The following PTPRK variants were observed in gnomAD, a reference collection of about 807,000 sequenced individuals.
The protein encoded by PTPRK is protein tyrosine phosphatase receptor type K, also known as receptor-type tyrosine-protein phosphatase kappa.
PTPRK carries 75 observed loss-of-function variants against 178.0 expected under a neutral mutation model. The observed-to-expected ratio is 0.42, with a 90% CI of 0.35 to 0.51. The LOEUF (loss-of-function observed/expected upper bound fraction) is 0.51. Among genes scored for constraint, PTPRK ranks in the 20% least tolerant of loss-of-function variants. PTPRK has a pLI of 0.02. For synonymous variants in PTPRK, 637 were observed against 620.6 expected (o/e 1.03, Z -0.39); for missense variants, 1,441 against 1,797.8 (o/e 0.80, Z 3.59).
chr6:128,381,686 A>T (rs1009159599), intron 2 of PTPRK, among the ~76,000 whole-genome samples: 1 of 152,060 alleles, frequency 6.6e-6, no homozygotes, highest in Non-Finnish European at 1.5e-5. Context: ...GAGAGAGAGA[A>T]ATGTTATTAT....
intron 3 of PTPRK, among the ~76,000 whole-genome samples, chr6:128,251,095 A>T (rs1305241220): frequency 6.6e-6 from 1 of 152,186 alleles, no homozygotes; most frequent in African/African-American, 2.4e-5. Context: ...AGACTCTGAA[A>T]CTGATGAATT....
chr6:128,491,408 G>A (rs1853748322), intron 1 of PTPRK, among the ~76,000 whole-genome samples: 1 of 152,180 alleles, frequency 6.6e-6, no homozygotes, highest in Admixed American at 6.5e-5. Flanking sequence ...AGATAGCTTT[G>A]ATTTTCTCAC....
intron 7 of PTPRK, among the ~76,000 whole-genome samples, chr6:128,133,569 C>T (rs964735616): frequency 3.3e-5 from 5 of 152,046 alleles, no homozygotes; most frequent in Admixed American, 6.5e-5. Flanking sequence ...AGATAAGAAA[C>T]ATCAGGCTTA....
At chr6:127,991,533 A>G in intron 19 of PTPRK, 142 bp from the exon 20 acceptor site, 1 of 506,816 alleles carries the variant, frequency 2.0e-6, no homozygotes, top group Non-Finnish European at 3.2e-6. Context: ...ACTTAAATTC[A>G]GTTCATATCT....
At chr6:128,271,893 G>A (rs963760462) in intron 3 of PTPRK, among the ~76,000 whole-genome samples, 6 of 151,808 alleles carry the variant, frequency 4.0e-5, no homozygotes, top group African/African-American at 1.5e-4. Context: ...ATTGTGTAGT[G>A]TATCAAGAAA....
intron 27 of PTPRK, among the ~76,000 whole-genome samples, chr6:127,975,150 A>C (rs889937718): frequency 1.3e-5 from 2 of 152,228 alleles, no homozygotes; most frequent in Non-Finnish European, 2.9e-5. Flanking sequence ...TCAATAAGTA[A>C]GCAAACAAAT....
At chr6:128,428,737 G>T (rs1479845691) in intron 1 of PTPRK, among the ~76,000 whole-genome samples, 2 of 152,160 alleles carry the variant, frequency 1.3e-5, no homozygotes, top group Non-Finnish European at 2.9e-5. Context: ...ACCTATGATG[G>T]ATTGACTTGC....
intron 7 of PTPRK, among the ~76,000 whole-genome samples, chr6:128,099,012 A>G (rs188362480): frequency 3.9e-5 from 6 of 152,116 alleles, no homozygotes; most frequent in Admixed American, 3.9e-4. Flanking sequence ...TCAATACTTT[A>G]TTACAAACTG....
At chr6:128,030,300 A>G (rs1269065520) in intron 13 of PTPRK, among the ~76,000 whole-genome samples, 2 of 152,196 alleles carry the variant, frequency 1.3e-5, no homozygotes, top group Non-Finnish European at 2.9e-5. Flanking sequence ...AAAGGTGACT[A>G]AAGTCACAGG....
At chr6:128,252,778 G>A (rs1816675577) in intron 3 of PTPRK, among the ~76,000 whole-genome samples, 1 of 152,156 alleles carries the variant, frequency 6.6e-6, no homozygotes, top group South Asian at 2.1e-4. Context: ...CCGACCTCAT[G>A]AGGCCATTGT....
At chr6:128,095,397 G>A (rs897493855) in intron 7 of PTPRK, among the ~76,000 whole-genome samples, 1 of 152,084 alleles carries the variant, frequency 6.6e-6, no homozygotes, top group African/African-American at 2.4e-5. Flanking sequence ...ACTCAAGCTT[G>A]TCCAACCTAC....
intron 6 of PTPRK, among the ~76,000 whole-genome samples, chr6:128,213,229 C>A (rs1459323910): frequency 2.0e-5 from 3 of 151,826 alleles, no homozygotes. Flanking sequence ...AAATATGTAC[C>A]AGACATCTTG....
At chr6:128,265,745 C>T (rs1818843802) in intron 3 of PTPRK, among the ~76,000 whole-genome samples, 1 of 152,092 alleles carries the variant, frequency 6.6e-6, no homozygotes, top group African/African-American at 2.4e-5. Flanking sequence ...TAATTAATTA[C>T]TTCTTAGTGT....
At chr6:128,128,622 C>T (rs111502212) in intron 7 of PTPRK, among the ~76,000 whole-genome samples, 3,874 of 152,314 alleles carry the variant, frequency 0.025, 75 homozygotes, top group Middle Eastern at 0.095. Flanking sequence ...CAAGAAAACT[C>T]TGGTGAACCT....
chr6:128,252,583 A>G (rs1293094099), intron 3 of PTPRK, among the ~76,000 whole-genome samples: 1 of 152,200 alleles, frequency 6.6e-6, no homozygotes, highest in Non-Finnish European at 1.5e-5. Context: ...CATATTCTCT[A>G]TATCATTAAA....
chr6:128,508,134 C>T (rs1856632112), intron 1 of PTPRK, among the ~76,000 whole-genome samples: 1 of 152,090 alleles, frequency 6.6e-6, no homozygotes, highest in African/African-American at 2.4e-5. Context: ...AATATATGGT[C>T]AGTTACCAAC....
At chr6:128,038,362 A>C (rs562798396) in intron 13 of PTPRK, among the ~76,000 whole-genome samples, 1 of 152,356 alleles carries the variant, frequency 6.6e-6, no homozygotes, top group South Asian at 2.1e-4. Context: ...AGTGAATTTA[A>C]AAATATTCTT....
rs1210093292 is a variant in PTPRK, at chr6:128,519,907, C to A, written c.100+352G>T. ...ACCCAAGTGGCAGACAGCAACAAAC[C>A]CGCACCACAAGCAACAGAGTGCCGT... On this transcript the variant is annotated intron_variant, in intron 1 of 29. Coordinates refer to ENST00000368226, the MANE Select transcript of PTPRK (RefSeq NM_002844.4). The surrounding 1 kb of genome is among the most constrained non-coding windows in gnomAD (Gnocchi z 4.3). Among the ~76,000 whole-genome samples, 1 of 152,190 alleles carries A rather than the reference C, an allele frequency of 6.6e-6. No individual in the cohort carries two copies. Among genetic ancestry groups the A allele is most frequent in the Admixed American group, 6.5e-5 (1 of 15,282 alleles).
At chr6:128,165,775 TCAAG>T (rs532997736) in intron 7 of PTPRK, among the ~76,000 whole-genome samples, 146 of 151,590 alleles carry the variant, frequency 9.6e-4, no homozygotes, top group Admixed American at 2.2e-3. Context: ...CTATGAATAC[TCAAG>T]CATTTATGAA....
Sources: allele counts gnomAD v4.1 joint callset (sites outside exome capture counted in the v4.1 genomes callset), GRCh38; gene constraint gnomAD v4.1.1; non-coding constraint Gnocchi (gnomAD v3.1); transcripts MANE v1.5; gene names NCBI Gene and HGNC (gene_info 2026-07-23, HGNC 2026-07-21).